TRAK1: variants seen among roughly 807,000 people sequenced by gnomAD.
TRAK1 encodes trafficking kinesin-binding protein 1.
Under a neutral mutation model 92.1 loss-of-function variants are expected in TRAK1, and 33 were observed. The observed-to-expected ratio is 0.36, with a 90% CI of 0.27 to 0.48. TRAK1 has a LOEUF of 0.48. TRAK1 is among the 20% of genes least tolerant of loss of function. The pLI is 0.99. For missense variants in TRAK1, 1,123 were observed against 1,257.9 expected (o/e 0.89, Z 1.62); for synonymous variants, 521 against 517.3 (o/e 1.01, Z -0.10).
Position 42,023,458 on chromosome 3 carries a change from C to T in TRAK1, c.-519+9341C>T, listed in dbSNP as rs575442326. Reference sequence around the variant, plus strand: ...TTACTTTGGTAAACGTGTCCTAGGCCGTATGTGATCCTAGACCTTATCTTA... The same window carrying T: ...TTACTTTGGTAAACGTGTCCTAGGCTGTATGTGATCCTAGACCTTATCTTA... On this transcript the variant is annotated intron_variant, in intron 1 of 16. Transcript: ENST00000487159. Among the ~76,000 whole-genome samples, 203 of 152,114 alleles carry T rather than the reference C, an allele frequency of 1.3e-3. 1 individual carries two copies. The highest frequency in any genetic ancestry group is 2.2e-3 in the Non-Finnish European group (150 of 68,018).
intron 1 of TRAK1, among the ~76,000 whole-genome samples, chr3:42,079,949 G>A (rs889589220): frequency 6.6e-6 from 1 of 152,094 alleles, no homozygotes; most frequent in Non-Finnish European, 1.5e-5. Context: ...ACTTACCAGG[G>A]TGCACAAATC....
chr3:42,092,810 T>G (rs989540909), intron 1 of TRAK1, among the ~76,000 whole-genome samples: 2 of 152,014 alleles, frequency 1.3e-5, no homozygotes, highest in Non-Finnish European at 2.9e-5. Context: ...GGTTTTGAAT[T>G]CCTGGGCTCA....
In TRAK1 at chr3:42,122,913, G is replaced by T. The variant is rs73828551; in HGVS notation, c.92-2507G>T. Among the ~76,000 whole-genome samples, 310 of 152,256 alleles carry T rather than the reference G, an allele frequency of 2.0e-3. 2 individuals are homozygous for T. The highest frequency in any genetic ancestry group is 7.2e-3 in the African/African-American group (301 of 41,548). ...GACATTTCCCCCATGAGGCAGAGAA[G>T]TCCCAGCAGTGAGATAGAGTCCCCC... On this transcript the variant is annotated intron_variant, in intron 1 of 15. Coordinates refer to ENST00000327628, the MANE Select transcript of TRAK1 (RefSeq NM_001042646.3).
At chr3:42,196,640 C>T (rs186141221) in intron 10 of TRAK1, among the ~76,000 whole-genome samples, 42 of 150,238 alleles carry the variant, frequency 2.8e-4, no homozygotes, top group Admixed American at 1.9e-3. Context: ...TGAGTTCAAG[C>T]GATTCTCCTG....
At chr3:42,060,551 G>C (rs996466031) in intron 1 of TRAK1, among the ~76,000 whole-genome samples, 1 of 151,392 alleles carries the variant, frequency 6.6e-6, no homozygotes, top group African/African-American at 2.4e-5. Flanking sequence ...GTCTCAGTCT[G>C]TCATTGGGAA....
rs1337680587 is a variant in TRAK1 at position 42,223,807 on chromosome 3, T to TC, written c.*76dup. On this transcript the variant is annotated 3_prime_UTR_variant, in exon 16 of 16. Coordinates refer to ENST00000327628, the MANE Select transcript of TRAK1 (RefSeq NM_001042646.3). The surrounding 1 kb of genome is among the most constrained non-coding windows in gnomAD (Gnocchi z 6.1). ...CTCTCTTGCTCCCACCTCCCTCTCT[T>TC]CCCCCCACAGTGCACTCCCTCCCTC... 2 of 1,510,334 alleles carry TC rather than the reference T, an allele frequency of 1.3e-6. No individual in the cohort carries two copies. The highest frequency in any genetic ancestry group is 1.4e-5 in the African/African-American group (1 of 72,434). 93.6% of individuals were successfully genotyped at this position (1,510,334 alleles called of 1,614,324 possible). A position where few individuals can be genotyped will look rare whatever the true frequency, so the allele number is the denominator to read the frequency against.
intron 1 of TRAK1, among the ~76,000 whole-genome samples, chr3:42,019,950 C>A (rs563908816): frequency 6.6e-6 from 1 of 152,290 alleles, no homozygotes; most frequent in East Asian, 1.9e-4. Flanking sequence ...AGACAAATTC[C>A]TTTGACCTCC....
At chr3:42,045,364 A>G (rs143371055) in intron 1 of TRAK1, among the ~76,000 whole-genome samples, 13,206 of 152,122 alleles carry the variant, frequency 0.087, 625 homozygotes, top group Non-Finnish European at 0.11. Context: ...ACGAAACCCC[A>G]TCTCTACTAA....
At chr3:42,141,510 A>G (rs1698649567) in intron 2 of TRAK1, among the ~76,000 whole-genome samples, 1 of 152,190 alleles carries the variant, frequency 6.6e-6, no homozygotes, top group African/African-American at 2.4e-5. Flanking sequence ...TGCCGTAACA[A>G]ATTACCACAA....
intron 2 of TRAK1, among the ~76,000 whole-genome samples, chr3:42,130,756 C>G (rs898482564): frequency 6.6e-6 from 1 of 152,064 alleles, no homozygotes; most frequent in Non-Finnish European, 1.5e-5. Context: ...GCTCCCCTTG[C>G]CATTTTAACT....
In TRAK1 at chr3:42,219,631, G is replaced by T; in HGVS notation, c.2066+35G>T. 3 of 1,597,772 alleles carry T rather than the reference G, an allele frequency of 1.9e-6. No individual in the cohort carries two copies. The South Asian group carries it at 3.3e-5, about 18-fold the overall frequency. ...CCTGGCTTTGGGGTGGGCAGGGGTGGGGTGAAGTCAGGGCACTCCCTTCCC... is the reference window on the plus strand; with the variant it reads ...CCTGGCTTTGGGGTGGGCAGGGGTGTGGTGAAGTCAGGGCACTCCCTTCCC... On this transcript the variant is annotated intron_variant, in intron 15 of 15. Transcript: ENST00000327628.
At chr3:42,059,709 A>G (rs1703346218) in intron 1 of TRAK1, among the ~76,000 whole-genome samples, 1 of 152,208 alleles carries the variant, frequency 6.6e-6, no homozygotes, top group South Asian at 2.1e-4. Context: ...ATTTCAGAGT[A>G]TTTTTATTCT....
chr3:42,145,901 T>G (rs1699265965), intron 2 of TRAK1: 1 of 244,794 alleles, frequency 4.1e-6, no homozygotes. Flanking sequence ...GTTTGAAATC[T>G]CCTAGATTAA....
At chr3:42,034,177 T>C (rs549400873) in intron 1 of TRAK1, among the ~76,000 whole-genome samples, 64 of 152,308 alleles carry the variant, frequency 4.2e-4, no homozygotes, top group African/African-American at 1.5e-3. Flanking sequence ...TGTCCTTCCT[T>C]TGTGCACCTG....
chr3:42,044,687 A>G (rs1179620567), intron 1 of TRAK1, among the ~76,000 whole-genome samples: 1 of 152,174 alleles, frequency 6.6e-6, no homozygotes, highest in Admixed American at 6.5e-5. Flanking sequence ...AGCCTCCTCC[A>G]TCTGCATGGG....
In TRAK1 at chr3:42,223,421, G is replaced by T. The variant is rs1217416444; in HGVS notation, c.2546G>T (p.Arg849Met). The T allele has an allele frequency of 6.2e-7, 1 of 1,614,162 alleles. No individual in the cohort carries two copies. Among genetic ancestry groups the T allele is most frequent in the Admixed American group, 1.7e-5 (1 of 60,036 alleles). ...SNLNLVDKVRRFGVAKVVNSG... is the reference protein window; with the variant it reads ...SNLNLVDKVRMFGVAKVVNSG... The stretch of plus-strand genomic sequence containing the variant: ...CTCAACCTCGTGGACAAAGTCAGGA[G>T]GTTTGGGGTGGCCAAAGTGGTGAAC... The change falls in exon 16 of 16, where the codon AGG becomes ATG. Residue 849 changes from arginine to methionine, a missense_variant. Physicochemically the swap from Arg to Met is moderately conservative, Grantham distance 91. Transcript: ENST00000327628. This position sits in a 1 kb window ranked among gnomAD's most constrained non-coding sequence, Gnocchi z 6.1.
chr3:42,119,736 T>G (rs1408400723), intron 1 of TRAK1, among the ~76,000 whole-genome samples: 1 of 152,150 alleles, frequency 6.6e-6, no homozygotes, highest in African/African-American at 2.4e-5. Context: ...GGCATGTGGA[T>G]ACACCTTACT....
intron 6 of TRAK1, among the ~76,000 whole-genome samples, chr3:42,190,821 C>G (rs1705615443): frequency 6.6e-6 from 1 of 151,938 alleles, no homozygotes; most frequent in Non-Finnish European, 1.5e-5. Flanking sequence ...CCATGGGAGT[C>G]TTGCTCTGTC....
At chr3:42,188,259 C>T in intron 5 of TRAK1, 114 bp downstream of exon 5, 1 of 915,436 alleles carries the variant, frequency 1.1e-6, no homozygotes, top group South Asian at 1.4e-5. Context: ...GTCAGCTGCT[C>T]TCAGCCTTCT....
Sources: allele counts gnomAD v4.1 joint callset (sites outside exome capture counted in the v4.1 genomes callset), GRCh38; gene constraint gnomAD v4.1.1; non-coding constraint Gnocchi (gnomAD v3.1); transcripts MANE v1.5; gene names NCBI Gene and HGNC (gene_info 2026-07-23, HGNC 2026-07-21).